DIP2C: variants seen among roughly 807,000 people sequenced by gnomAD.
DIP2C encodes disco-interacting protein 2 homolog C.
Under a neutral mutation model 192.4 loss-of-function variants are expected in DIP2C, and 33 were observed. The ratio of observed to expected loss-of-function variants is 0.17; its 90% CI spans 0.13 to 0.23. The LOEUF (loss-of-function observed/expected upper bound fraction) is 0.23. Ranked by LOEUF, DIP2C falls within the 10% of genes least tolerant of loss-of-function variation. The probability of loss-of-function intolerance (pLI) is 1.00; values close to 1 mark genes in which losing one functional copy is unlikely to be tolerated. For missense variants in DIP2C, 1,537 were observed against 2,110.1 expected (o/e 0.73, Z 5.32); for synonymous variants, 979 against 864.1 (o/e 1.13, Z -2.33).
At chr10:587,728 C>T (rs1338403270) in intron 1 of DIP2C, among the ~76,000 whole-genome samples, 1 of 121,250 alleles carries the variant, frequency 8.2e-6, no homozygotes. Context: ...TCCTGAAACC[C>T]CACATCCACA....
intron 1 of DIP2C, among the ~76,000 whole-genome samples, chr10:619,541 G>GCCCGCCCGCCCA: frequency 1.5e-5 from 1 of 67,896 alleles, no homozygotes; most frequent in Non-Finnish European, 4.6e-5. Flanking sequence ...CCGCCCGCCC[G>GCCCGCCCGCCCA]CCCTCCCACC....
At chr10:537,947 G>T (rs1312921881) in intron 1 of DIP2C, among the ~76,000 whole-genome samples, 1 of 151,968 alleles carries the variant, frequency 6.6e-6, no homozygotes, top group Non-Finnish European at 1.5e-5. Flanking sequence ...GCGCCACCAT[G>T]CCTGGCTATT....
intron 1 of DIP2C, among the ~76,000 whole-genome samples, chr10:586,410 GACC>G (rs895048352): frequency 1.3e-4 from 20 of 152,174 alleles, no homozygotes; most frequent in African/African-American, 4.3e-4. Context: ...CTTCCTCAGG[GACC>G]ACCAACCTCA....
intron 31 of DIP2C, among the ~76,000 whole-genome samples, chr10:326,506 T>TC (rs1957277686): frequency 6.6e-6 from 1 of 152,246 alleles, no homozygotes; most frequent in Non-Finnish European, 1.5e-5. Flanking sequence ...CTGCAGCTTG[T>TC]CAGCCACTGT....
chr10:446,429 G>A (rs1968223990), intron 3 of DIP2C, among the ~76,000 whole-genome samples: 1 of 151,896 alleles, frequency 6.6e-6, no homozygotes, highest in East Asian at 1.9e-4. Context: ...GTATACATCT[G>A]TTGTGAAGAG....
intron 1 of DIP2C, among the ~76,000 whole-genome samples, chr10:524,716 T>C (rs1233480100): frequency 2.0e-5 from 3 of 152,222 alleles, no homozygotes; most frequent in Non-Finnish European, 4.4e-5. Flanking sequence ...CAAATCACTT[T>C]CACTGAGAGA....
intron 1 of DIP2C, chr10:628,495 G>A (rs908965867): frequency 1.3e-5 from 2 of 152,276 alleles, no homozygotes; most frequent in Non-Finnish European, 1.5e-5. Flanking sequence ...TCCAGAGAGG[G>A]TGGGACAGAG....
intron 1 of DIP2C, among the ~76,000 whole-genome samples, chr10:539,776 C>T (rs926890719): frequency 6.6e-6 from 1 of 152,200 alleles, no homozygotes; most frequent in African/African-American, 2.4e-5. Context: ...AGGAATCACA[C>T]TCATACTGTA....
intron 24 of DIP2C, among the ~76,000 whole-genome samples, chr10:352,039 C>A (rs1188256654): frequency 6.6e-6 from 1 of 152,230 alleles, no homozygotes; most frequent in African/African-American, 2.4e-5. Context: ...CTGAGGGAGG[C>A]CCCGACCCCC....
chr10:465,544 C>T (rs1180584327), intron 3 of DIP2C, among the ~76,000 whole-genome samples: 3 of 152,078 alleles, frequency 2.0e-5, no homozygotes, highest in East Asian at 1.9e-4. Context: ...CCAGGGCAAT[C>T]AGGCAGGAGA....
rs573342562 is a variant in DIP2C at position 519,451 on chromosome 10, C to T, written c.86-32921G>A. Among the ~76,000 whole-genome samples, 7 of 152,322 alleles carry T rather than the reference C, an allele frequency of 4.6e-5. No individual in the cohort carries two copies. In the South Asian group the frequency reaches 1.0e-3, roughly 23 times the overall value. On this transcript the variant is annotated intron_variant, in intron 1 of 36. Transcript: ENST00000280886. Reference sequence around the variant, plus strand: ...GCACGTTTCCTGAGTGCTGACCCCGCGTGGTATTGGATATGGCAATAAGGC... The same window carrying T: ...GCACGTTTCCTGAGTGCTGACCCCGTGTGGTATTGGATATGGCAATAAGGC...
At position 685,217 on chromosome 10, in the gene DIP2C, C is replaced by T. The variant is rs1831288645; in HGVS notation, c.85+4277G>A. Among the ~76,000 whole-genome samples, 3 of 141,882 alleles carry T rather than the reference C, an allele frequency of 2.1e-5. No individual in the cohort carries two copies. In the Admixed American group the frequency reaches 2.1e-4, roughly 10 times the overall value. The allele number at this position is 141,882 out of a possible 152,430, so 93.1% of individuals were successfully genotyped here. On this transcript the variant is annotated intron_variant, in intron 1 of 36. Transcript: ENST00000280886. ...ATATATATATATATATAAACACACG[C>T]ACACAGGTCCCTCAACCAACACAGG... is the stretch of plus-strand genomic sequence containing the variant.
In DIP2C at chr10:508,968, G is replaced by A. The variant is rs183721375; in HGVS notation, c.86-22438C>T. Among the ~76,000 whole-genome samples the A allele has an allele frequency of 1.1e-3, 162 of 152,270 alleles. 1 individual carries two copies. The highest frequency in any genetic ancestry group is 3.7e-3 in the African/African-American group (152 of 41,558). On this transcript the variant is annotated intron_variant, in intron 1 of 36. Transcript: ENST00000280886. ...GCACCTCTTGGATGTCTCATCCTGG[G>A]CACCCCTTCACAGAGTAAATGAGCC... is the stretch of plus-strand genomic sequence containing the variant.
chr10:372,354 C>T (rs540530597), intron 17 of DIP2C, among the ~76,000 whole-genome samples: 5 of 152,288 alleles, frequency 3.3e-5, no homozygotes, highest in East Asian at 3.9e-4. Context: ...GAATTACAGG[C>T]GTGAGCTACT....
Position 440,947 on chromosome 10 carries a change from C to T in DIP2C, c.318G>A (p.Arg106=). 1 of 1,613,864 alleles carries T rather than the reference C, an allele frequency of 6.2e-7. No homozygotes were observed. The highest frequency in any genetic ancestry group is 8.5e-7 in the Non-Finnish European group (1 of 1,180,032). Residue 106 remains arginine (R), a synonymous_variant, in exon 4 of 37, where the codon CGG becomes CGA. Coordinates refer to ENST00000280886, the MANE Select transcript of DIP2C (RefSeq NM_014974.3). ...TGGAAGGCATAGGCACTGCCATCTT[C>T]CGCTCTTTGTGTTTGGCCAGAGCCG... The part of the protein sequence containing the change: ...VQAALAKHKE[R]KMAVPMPSKR...
intron 1 of DIP2C, among the ~76,000 whole-genome samples, chr10:560,234 A>G (rs1469968724): frequency 1.3e-5 from 2 of 152,222 alleles, no homozygotes; most frequent in East Asian, 1.9e-4. Context: ...ACAGGGGTGG[A>G]GAAGACACGC....
intron 1 of DIP2C, among the ~76,000 whole-genome samples, chr10:576,148 G>A (rs1850137880): frequency 6.6e-6 from 1 of 152,218 alleles, no homozygotes; most frequent in Admixed American, 6.5e-5. Flanking sequence ...GATTCCAGAT[G>A]TGCTGGCACC....
chr10:337,800 C>CGTGTGTTGTGGAGGCCTAGGCAGCT (rs749822515), intron 29 of DIP2C, among the ~76,000 whole-genome samples: 3 of 122,546 alleles, frequency 2.4e-5, no homozygotes, highest in Admixed American at 8.1e-5. Context: ...TGTGTGTGCA[C>CGTGTGTTGTGGAGGCCTAGGCAGCT]GTGTGTCGTG....
intron 1 of DIP2C, among the ~76,000 whole-genome samples, chr10:545,909 T>C (rs1848262280): frequency 6.6e-6 from 1 of 152,188 alleles, no homozygotes; most frequent in South Asian, 2.1e-4. Context: ...GACAATTTGT[T>C]GTCGGTTTAA....
Sources: gnomAD v4.1 joint callset for allele counts (sites outside exome capture counted in the v4.1 genomes callset) on GRCh38, gnomAD v4.1.1 for gene constraint, MANE v1.5 for transcripts, NCBI Gene and HGNC (gene_info 2026-07-23, HGNC 2026-07-21) for gene names.